RAD51B: variants seen among roughly 807,000 people sequenced by gnomAD.
The protein encoded by RAD51B is RAD51 paralog B.
RAD51B carries 38 observed loss-of-function variants against 42.2 expected under a neutral mutation model. The observed-to-expected ratio is 0.90, with a 90% CI of 0.70 to 1.18. The LOEUF is 1.18. Among genes scored for constraint, RAD51B ranks in the 50% most tolerant of loss-of-function variants. The pLI is 0.00. For synonymous variants in RAD51B, 154 were observed against 145.2 expected (o/e 1.06, Z -0.43); for missense variants, 373 against 400.7 (o/e 0.93, Z 0.59).
intron 8 of RAD51B, among the ~76,000 whole-genome samples, chr14:68,371,195 G>T (rs572636932): frequency 6.6e-6 from 1 of 152,170 alleles, no homozygotes; most frequent in African/African-American, 2.4e-5. Flanking sequence ...ACAGATTGGG[G>T]TGGGAGGTGC....
At chr14:68,176,972 C>G (rs978959540) in intron 7 of RAD51B, among the ~76,000 whole-genome samples, 1 of 152,124 alleles carries the variant, frequency 6.6e-6, no homozygotes, top group Non-Finnish European at 1.5e-5. Flanking sequence ...TCACTCTGTT[C>G]ATAATATTGT....
At chr14:67,840,492 A>G (rs1594981312) in intron 4 of RAD51B, among the ~76,000 whole-genome samples, 2 of 152,324 alleles carry the variant, frequency 1.3e-5, no homozygotes, top group South Asian at 2.1e-4. Context: ...GTAGTAGTCC[A>G]TGGTATATAT....
intron 8 of RAD51B, among the ~76,000 whole-genome samples, chr14:68,366,667 T>A (rs2083148930): frequency 6.6e-6 from 1 of 152,182 alleles, no homozygotes; most frequent in African/African-American, 2.4e-5. Flanking sequence ...ACCAAAAATG[T>A]TGAATAGCAA....
chr14:68,214,721 T>C (rs2079778276), intron 7 of RAD51B, among the ~76,000 whole-genome samples: 1 of 152,196 alleles, frequency 6.6e-6, no homozygotes. Context: ...TTTATGCACA[T>C]GGCACTTCAC....
At chr14:67,983,330 G>C (rs751445944) in intron 7 of RAD51B, among the ~76,000 whole-genome samples, 8 of 151,980 alleles carry the variant, frequency 5.3e-5, no homozygotes, top group Non-Finnish European at 1.0e-4. Flanking sequence ...AGGAAAAAGA[G>C]CAGAAAAGAT....
At chr14:67,836,043 G>A (rs925998953) in intron 4 of RAD51B, among the ~76,000 whole-genome samples, 2 of 152,184 alleles carry the variant, frequency 1.3e-5, no homozygotes, top group Non-Finnish European at 1.5e-5. Flanking sequence ...TTTAGGAAGT[G>A]ATAGGTTATT....
chr14:68,187,455 A>G (rs1454426562), intron 7 of RAD51B, among the ~76,000 whole-genome samples: 1 of 152,242 alleles, frequency 6.6e-6, no homozygotes, highest in Non-Finnish European at 1.5e-5. Flanking sequence ...GGTGACACCC[A>G]CATGGAAGTG....
chr14:68,295,653 G>A, intron 8 of RAD51B, among the ~76,000 whole-genome samples: 1 of 152,142 alleles, frequency 6.6e-6, no homozygotes, highest in Admixed American at 6.5e-5. Flanking sequence ...TCTCGGTTGG[G>A]CCAGGTCACT....
intron 7 of RAD51B, among the ~76,000 whole-genome samples, chr14:68,073,519 T>G (rs1246611169): frequency 6.6e-6 from 1 of 152,182 alleles, no homozygotes; most frequent in African/African-American, 2.4e-5. Context: ...TAACCTGTTT[T>G]TCTTCATGGT....
intron 3 of RAD51B, among the ~76,000 whole-genome samples, chr14:67,828,465 C>G (rs571947639): frequency 6.6e-4 from 100 of 152,110 alleles, no homozygotes; most frequent in Non-Finnish European, 1.1e-3. Context: ...TTTTGCTATG[C>G]AGAAGCTCTT....
At chr14:68,389,848 T>A (rs1254040679) in intron 8 of RAD51B, among the ~76,000 whole-genome samples, 1 of 152,256 alleles carries the variant, frequency 6.6e-6, no homozygotes, top group African/African-American at 2.4e-5. Context: ...CACTGATTGC[T>A]AGGGAAATCT....
intron 7 of RAD51B, among the ~76,000 whole-genome samples, chr14:67,973,825 C>G (rs2074941771): frequency 6.6e-6 from 1 of 152,094 alleles, no homozygotes; most frequent in African/African-American, 2.4e-5. Context: ...TTAGTTGTTT[C>G]ACAAATAGAC....
At chr14:67,981,308 C>G (rs538791999) in intron 7 of RAD51B, among the ~76,000 whole-genome samples, 230 of 152,208 alleles carry the variant, frequency 1.5e-3, no homozygotes, top group African/African-American at 5.3e-3. Flanking sequence ...GAAGACTAAC[C>G]ATATGAAATG....
intron 10 of RAD51B, among the ~76,000 whole-genome samples, chr14:68,579,538 C>CT (rs1162899847): frequency 6.6e-6 from 1 of 152,164 alleles, no homozygotes; most frequent in African/African-American, 2.4e-5. Flanking sequence ...ACAATGAATA[C>CT]TTTTTTTAGT....
intron 7 of RAD51B, among the ~76,000 whole-genome samples, chr14:68,042,326 A>G (rs946402498): frequency 1.3e-5 from 2 of 152,014 alleles, no homozygotes; most frequent in South Asian, 2.1e-4. Context: ...ATAGTATTTT[A>G]TTTTCTTAAC....
intron 7 of RAD51B, among the ~76,000 whole-genome samples, chr14:68,279,524 G>T (rs1033045524): frequency 6.6e-6 from 1 of 152,100 alleles, no homozygotes; most frequent in African/African-American, 2.4e-5. Context: ...CTGGCCTCTT[G>T]GCTAGATGAC....
chr14:68,302,039 C>T (rs889243865), intron 8 of RAD51B, among the ~76,000 whole-genome samples: 2 of 152,172 alleles, frequency 1.3e-5, no homozygotes, highest in Non-Finnish European at 2.9e-5. Flanking sequence ...ATAGGCAATT[C>T]AGGGAACCAT....
At chr14:68,521,809 T>A (rs1886601434) in intron 10 of RAD51B, among the ~76,000 whole-genome samples, 1 of 152,212 alleles carries the variant, frequency 6.6e-6, no homozygotes, top group Non-Finnish European at 1.5e-5. Flanking sequence ...TTGGCACCAG[T>A]GGCCATGCAT....
intron 8 of RAD51B, among the ~76,000 whole-genome samples, chr14:68,388,681 C>T (rs1025921912): frequency 6.6e-6 from 1 of 152,160 alleles, no homozygotes; most frequent in African/African-American, 2.4e-5. Flanking sequence ...CTAGGTCTTA[C>T]ATCAGGCGGT....
Sources: allele counts gnomAD v4.1 joint callset (sites outside exome capture counted in the v4.1 genomes callset), GRCh38; gene constraint gnomAD v4.1.1; transcripts MANE v1.5; gene names NCBI Gene and HGNC (gene_info 2026-07-23, HGNC 2026-07-21).